PARP15: variants seen among roughly 807,000 people sequenced by gnomAD.
PARP15 encodes poly(ADP-ribose) polymerase family member 15, also known as protein mono-ADP-ribosyltransferase PARP15.
PARP15 carries 50 observed loss-of-function variants against 62.1 expected under a neutral mutation model. That is an observed-to-expected ratio of 0.81 (90% CI 0.64 to 1.02). The LOEUF is 1.02. PARP15 is among the 50% of genes least tolerant of loss of function. The pLI, the probability that PARP15 is intolerant of heterozygous loss-of-function variation, is 0.00. For synonymous variants in PARP15, 309 were observed against 293.1 expected (o/e 1.05, Z -0.55); for missense variants, 820 against 826.5 (o/e 0.99, Z 0.10).
chr3:122,605,912 A>G, intron 1 of PARP15, 24 bp from the exon 2 acceptor site: 1 of 1,548,702 alleles, frequency 6.5e-7, no homozygotes, highest in Non-Finnish European at 8.7e-7. Context: ...CATTGCTGGT[A>G]ATGCTTTACT....
chr3:122,629,699 T>C (rs1936949833), intron 9 of PARP15, among the ~76,000 whole-genome samples: 1 of 151,198 alleles, frequency 6.6e-6, no homozygotes, highest in Non-Finnish European at 1.5e-5. Context: ...CTTACCACAG[T>C]GTAGAATCAG....
At chr3:122,616,923 G>T in intron 5 of PARP15, 92 bp from the exon 6 acceptor site, 1 of 1,402,090 alleles carries the variant, frequency 7.1e-7, no homozygotes. Flanking sequence ...AAGAAAGAGG[G>T]CTGAGCTGGG....
intron 1 of PARP15, among the ~76,000 whole-genome samples, chr3:122,579,999 GTATATATATATATATATATATATA>G (rs59527124): frequency 1.4e-4 from 9 of 64,460 alleles, no homozygotes; most frequent in East Asian, 5.2e-4. Flanking sequence ...GCAACTATAT[GTATATATATATATATATATATATA>G]TATATATATA....
At chr3:122,599,014 G>A (rs983451624) in intron 1 of PARP15, among the ~76,000 whole-genome samples, 17 of 152,114 alleles carry the variant, frequency 1.1e-4, no homozygotes, top group African/African-American at 3.6e-4. Flanking sequence ...TCCCACCTCA[G>A]CCTCCTGAGT....
At chr3:122,597,984 A>G (rs1934488307) in intron 1 of PARP15, among the ~76,000 whole-genome samples, 1 of 152,076 alleles carries the variant, frequency 6.6e-6, no homozygotes, top group African/African-American at 2.4e-5. Flanking sequence ...TTTATTTTTC[A>G]CTGTTGTGTT....
intron 1 of PARP15, among the ~76,000 whole-genome samples, chr3:122,578,467 C>G (rs2080730695): frequency 1.3e-5 from 2 of 151,802 alleles, no homozygotes; most frequent in South Asian, 4.1e-4. Flanking sequence ...ATCAAGTGTC[C>G]CAACACCATT....
chr3:122,602,137 G>T (rs1190506710), intron 1 of PARP15, among the ~76,000 whole-genome samples: 3 of 151,970 alleles, frequency 2.0e-5, no homozygotes, highest in Non-Finnish European at 2.9e-5. Flanking sequence ...CCCTGGGCTT[G>T]GTCTCTTTTA....
intron 4 of PARP15, chr3:122,615,065 A>T (rs1425709857): frequency 2.0e-6 from 2 of 980,116 alleles, no homozygotes; most frequent in Non-Finnish European, 2.4e-6. Context: ...AAGAAAAGAA[A>T]GAAAGAAAGA....
chr3:122,582,270 C>G (rs1234212300), intron 1 of PARP15, among the ~76,000 whole-genome samples: 1 of 152,128 alleles, frequency 6.6e-6, no homozygotes, highest in Non-Finnish European at 1.5e-5. Flanking sequence ...TTCCTGGGCT[C>G]AAGTGATCCT....
At chr3:122,592,824 G>A (rs1161207251) in intron 1 of PARP15, among the ~76,000 whole-genome samples, 1 of 152,106 alleles carries the variant, frequency 6.6e-6, no homozygotes, top group African/African-American at 2.4e-5. Flanking sequence ...CAGTAATGGT[G>A]GAGCTGGGAT....
intron 1 of PARP15, among the ~76,000 whole-genome samples, chr3:122,584,671 G>A (rs1424668086): frequency 6.8e-6 from 1 of 146,060 alleles, no homozygotes; most frequent in Non-Finnish European, 1.5e-5. Context: ...TCCACACCCC[G>A]GGTTCAGGCG....
At chr3:122,633,968 C>A (rs1363022787) in intron 10 of PARP15, among the ~76,000 whole-genome samples, 2 of 152,210 alleles carry the variant, frequency 1.3e-5, no homozygotes, top group African/African-American at 4.8e-5. Flanking sequence ...TCCAGGCTTC[C>A]TGGAATCCTT....
intron 1 of PARP15, among the ~76,000 whole-genome samples, chr3:122,585,932 C>T (rs752947778): frequency 9.9e-5 from 15 of 152,094 alleles, no homozygotes; most frequent in South Asian, 2.1e-4. Flanking sequence ...GTATTTTATG[C>T]GAATCCCTAT....
chr3:122,608,361 G>A (rs1201361842), intron 2 of PARP15, among the ~76,000 whole-genome samples: 3 of 151,418 alleles, frequency 2.0e-5, no homozygotes, highest in East Asian at 1.9e-4. Context: ...GATTATAGGC[G>A]CCCACCACCA....
chr3:122,590,300 T>C (rs1393299090), intron 1 of PARP15, among the ~76,000 whole-genome samples: 1 of 151,726 alleles, frequency 6.6e-6, no homozygotes, highest in Non-Finnish European at 1.5e-5. Flanking sequence ...TGAGATGGGG[T>C]CTCGCTCTGT....
At chr3:122,593,725 C>G (rs1329665478) in intron 1 of PARP15, among the ~76,000 whole-genome samples, 2 of 152,168 alleles carry the variant, frequency 1.3e-5, no homozygotes, top group African/African-American at 2.4e-5. Context: ...ACTCCCTCAG[C>G]CTTTCCCAGC....
chr3:122,583,182 A>G (rs4677961), intron 1 of PARP15, among the ~76,000 whole-genome samples: 52,427 of 137,544 alleles, frequency 0.38, 10,085 homozygotes, highest in Admixed American at 0.49. Context: ...GTGCAATGGC[A>G]TGATCTCGGC....
intron 4 of PARP15, 159 bp from the exon 5 acceptor site, chr3:122,615,620 A>T: frequency 6.9e-7 from 1 of 1,455,816 alleles, no homozygotes; most frequent in East Asian, 2.3e-5. Flanking sequence ...GAAAATTCCT[A>T]GGTTGAACCG....
chr3:122,591,715 G>A (rs1216318662), intron 1 of PARP15, among the ~76,000 whole-genome samples: 4 of 132,290 alleles, frequency 3.0e-5, no homozygotes, highest in Admixed American at 9.1e-5. Context: ...GAGCCGAGCC[G>A]AGATTGCTCC....
Sources: gnomAD v4.1 joint callset for allele counts (sites outside exome capture counted in the v4.1 genomes callset) on GRCh38, gnomAD v4.1.1 for gene constraint, MANE v1.5 for transcripts, NCBI Gene and HGNC (gene_info 2026-07-23, HGNC 2026-07-21) for gene names.